CCT3: variants seen among roughly 807,000 people sequenced by gnomAD.
CCT3 encodes the protein chaperonin containing TCP1 subunit 3, also known as T-complex protein 1 subunit gamma.
Under a neutral mutation model 65.3 loss-of-function variants are expected in CCT3, and 10 were observed. That is an observed-to-expected ratio of 0.15 (90% CI 0.09 to 0.26). The LOEUF is 0.26. Ranked by LOEUF, CCT3 falls within the 10% of genes least tolerant of loss-of-function variation. The pLI is 1.00. For synonymous variants in CCT3, 225 were observed against 242.3 expected (o/e 0.93, Z 0.66); for missense variants, 626 against 708.7 (o/e 0.88, Z 1.33).
rs913928514 is a variant in CCT3, at chr1:156,316,392, C to T, written c.974+774G>A. 3.9e-5 allele frequency among the ~76,000 whole-genome samples: 6 copies of T among 152,182 alleles called. No individual in the cohort carries two copies. The East Asian group carries it at 1.2e-3, about 29-fold the overall frequency. ...CAAGGGATGACTGCATACGTCTGAC[C>T]GAAGTTTAATGAATGTAGGACTAAT... is the stretch of plus-strand genomic sequence containing the variant. On this transcript the variant is annotated intron_variant, in intron 10 of 13. Coordinates refer to ENST00000295688, the MANE Select transcript of CCT3 (RefSeq NM_005998.5).
chr1:156,312,367 A>G (rs1664121513), intron 10 of CCT3, 146 bp from the exon 11 acceptor site: 1 of 650,418 alleles, frequency 1.5e-6, no homozygotes, highest in Non-Finnish European at 2.5e-6. Context: ...CCGGTGAAAA[A>G]GATTTTCAGG....
At chr1:156,311,952 G>A (rs1664101036) in intron 11 of CCT3, 89 bp downstream of exon 11, 2 of 1,054,586 alleles carry the variant, frequency 1.9e-6, no homozygotes, top group Non-Finnish European at 2.6e-6. Context: ...AGCTATAAAT[G>A]GACCACAGAA....
intron 5 of CCT3, among the ~76,000 whole-genome samples, chr1:156,325,539 T>C (rs1034334223): frequency 6.6e-6 from 1 of 151,428 alleles, no homozygotes; most frequent in Non-Finnish European, 1.5e-5. Context: ...AAAAATAAAA[T>C]GATGAAAGAC....
At chr1:156,317,047 G>GC in intron 10 of CCT3, 119 bp downstream of exon 10, 2 of 883,462 alleles carry the variant, frequency 2.3e-6, no homozygotes, top group Non-Finnish European at 1.8e-6. Flanking sequence ...CTAAGCCAAG[G>GC]TTATTTCTAC....
At chr1:156,328,048 AGCCGCCCCATCTGGCAGGGAGGTGGGGGG>A (rs1432955119) in intron 5 of CCT3, among the ~76,000 whole-genome samples, 1 of 3,244 alleles carries the variant, frequency 3.1e-4, no homozygotes, top group East Asian at 8.5e-3. Context: ...GTGGGGGTCC[AGCCGCCCCATCTGGCAGGGAGGTGGGGGG>A]GTCAGCCCCC....
chr1:156,317,531 G>T lies in CCT3; in HGVS notation c.776C>A (p.Thr259Lys), dbSNP rs974855097. The change falls in exon 9 of 14, where the codon ACA becomes AAA. Residue 259 changes from threonine to lysine, a missense_variant. By Grantham distance (78) the Thr-to-Lys change is moderately conservative. Transcript: ENST00000295688. ...KGESQTDIEI[T>K]REEDFTRILQ... ...AATTCGGGTGAAGTCCTCCTCTCGT[G>T]TAATCTCAATGTCAGTCTGTGTGGT... is the stretch of plus-strand genomic sequence containing the variant. 6.2e-6 allele frequency: 10 copies of T among 1,613,372 alleles called. No homozygotes were observed. The highest frequency in any genetic ancestry group is 8.5e-6 in the Non-Finnish European group (10 of 1,179,580).
At chr1:156,319,104 T>C in intron 7 of CCT3, 87 bp from the exon 8 acceptor site, 2 of 1,251,478 alleles carry the variant, frequency 1.6e-6, no homozygotes, top group Non-Finnish European at 2.2e-6. Context: ...CCCAAACAGC[T>C]AGTGTTTCAG....
chr1:156,314,698 G>C (rs963045149), intron 10 of CCT3, among the ~76,000 whole-genome samples: 8 of 152,062 alleles, frequency 5.3e-5, no homozygotes, highest in African/African-American at 1.4e-4. Context: ...TGGGCGACAA[G>C]AGCGAAACTC....
At chr1:156,317,379 C>T in intron 9 of CCT3, 36 bp downstream of exon 9, 1 of 1,602,960 alleles carries the variant, frequency 6.2e-7, no homozygotes, top group South Asian at 1.1e-5. Flanking sequence ...CCTCGTCTAC[C>T]TCAAAGGTAG....
intron 5 of CCT3, among the ~76,000 whole-genome samples, chr1:156,329,559 C>T (rs1443109672): frequency 6.6e-6 from 1 of 151,950 alleles, no homozygotes; most frequent in Non-Finnish European, 1.5e-5. Context: ...CCCACCTTGG[C>T]CTCCCAAAGT....
chr1:156,310,177 T>TG (rs1664020928), intron 13 of CCT3, among the ~76,000 whole-genome samples: 1 of 152,084 alleles, frequency 6.6e-6, no homozygotes, highest in Non-Finnish European at 1.5e-5. Flanking sequence ...AGGAATATTC[T>TG]GCCTTCTTTA....
chr1:156,334,948 G>C, intron 2 of CCT3, 30 bp from the exon 3 acceptor site: 2 of 1,604,500 alleles, frequency 1.2e-6, no homozygotes, highest in Non-Finnish European at 1.7e-6. Flanking sequence ...AAATACGCAA[G>C]CACAAATCAG....
At chr1:156,313,136 G>A in intron 10 of CCT3, among the ~76,000 whole-genome samples, 1 of 151,982 alleles carries the variant, frequency 6.6e-6, no homozygotes, top group East Asian at 1.9e-4. Flanking sequence ...TTGAGGTCAG[G>A]AGTTCGAGAC....
intron 12 of CCT3, 55 bp from the exon 13 acceptor site, chr1:156,310,744 AAG>A: frequency 1.3e-6 from 2 of 1,594,728 alleles, no homozygotes; most frequent in Non-Finnish European, 1.7e-6. Flanking sequence ...AACATCAGGT[AAG>A]AAATGAAGTA....
chr1:156,321,073 T>C (rs377596084), intron 6 of CCT3, 48 bp from the exon 7 acceptor site: 15 of 1,451,176 alleles, frequency 1.0e-5, no homozygotes, highest in African/African-American at 5.6e-5. Flanking sequence ...ATGTTAGATA[T>C]GTAGAGATGT....
At chr1:156,327,006 C>A (rs1354758093) in intron 5 of CCT3, among the ~76,000 whole-genome samples, 1 of 152,048 alleles carries the variant, frequency 6.6e-6, no homozygotes, top group African/African-American at 2.4e-5. Flanking sequence ...AGACTGTGCC[C>A]AGGCACCCCA....
chr1:156,324,740 G>A (rs1664729450), intron 6 of CCT3, among the ~76,000 whole-genome samples: 1 of 152,042 alleles, frequency 6.6e-6, no homozygotes, highest in African/African-American at 2.4e-5. Context: ...CAATTCTCCT[G>A]CCTCAGCCTC....
At chr1:156,335,344 G>A (rs1665289522) in intron 2 of CCT3, 1 of 186,150 alleles carries the variant, frequency 5.4e-6, no homozygotes, top group Non-Finnish European at 1.1e-5. Flanking sequence ...ATGGCTCCCA[G>A]AGCTTGTTTC....
intron 7 of CCT3, 57 bp downstream of exon 7, chr1:156,320,782 T>A: frequency 8.4e-7 from 1 of 1,193,632 alleles, no homozygotes; most frequent in South Asian, 1.4e-5. Context: ...TCCTCACAAG[T>A]GAGATGACTC....
Sources: allele counts gnomAD v4.1 joint callset (sites outside exome capture counted in the v4.1 genomes callset), GRCh38; gene constraint gnomAD v4.1.1; transcripts MANE v1.5; gene names NCBI Gene and HGNC (gene_info 2026-07-23, HGNC 2026-07-21).